Variants in LMO7 observed in about 807,000 individuals in gnomAD.
LMO7 encodes the protein LIM domain 7.
Under a neutral mutation model 206.5 loss-of-function variants are expected in LMO7, and 120 were observed. The ratio of observed to expected loss-of-function variants is 0.58; its 90% CI spans 0.50 to 0.68. LMO7 has a LOEUF of 0.68. Among genes scored for constraint, LMO7 ranks in the 30% least tolerant of loss-of-function variants. The pLI, the probability that LMO7 is intolerant of heterozygous loss-of-function variation, is 0.00. For synonymous variants in LMO7, 706 were observed against 681.5 expected (o/e 1.04, Z -0.56); for missense variants, 1,959 against 1,957.9 (o/e 1.00, Z -0.01).
rs530499455 is a variant in LMO7 at position 75,695,278 on chromosome 13, A to G, written c.70-17904A>G. On this transcript the variant is annotated intron_variant, in intron 1 of 30. Transcript: ENST00000377534. Reference sequence around the variant, plus strand: ...GAGAGGAATCTTAGATGTCTCACTGAATCAAGGTGATTTATATATGTTTGG... The same window carrying G: ...GAGAGGAATCTTAGATGTCTCACTGGATCAAGGTGATTTATATATGTTTGG... Among the ~76,000 whole-genome samples, 56 of 152,324 alleles carry G rather than the reference A, an allele frequency of 3.7e-4. 1 individual carries two copies. In the South Asian group the frequency reaches 4.4e-3, roughly 12 times the overall value.
chr13:75,675,910 ACACACAC>A (rs2039971953), intron 1 of LMO7, among the ~76,000 whole-genome samples: 1 of 135,356 alleles, frequency 7.4e-6, no homozygotes, highest in Non-Finnish European at 1.7e-5. Flanking sequence ...ACACACACAC[ACACACAC>A]GTCATATACA....
chr13:75,746,369 G>T (rs2046837434), intron 3 of LMO7, among the ~76,000 whole-genome samples: 1 of 152,120 alleles, frequency 6.6e-6, no homozygotes, highest in Non-Finnish European at 1.5e-5. Context: ...ATTAAGAAAT[G>T]GGGTGATCAC....
Position 75,857,903 on chromosome 13 carries a change from TTCTCC to T in LMO7, c.4874-16_4874-12del, listed in dbSNP as rs2061097142. ...CTGAATCTAAGCACTTTTCTTTCTTTTCTCCTTGCCCGATCAGCTGGACGGCCAAC... is the reference window on the plus strand; with the variant it reads ...CTGAATCTAAGCACTTTTCTTTCTTTTTGCCCGATCAGCTGGACGGCCAAC... On this transcript the variant is annotated splice_polypyrimidine_tract_variant and intron_variant, in intron 30 of 30. Coordinates refer to ENST00000377534, the MANE Select transcript of LMO7 (RefSeq NM_001306080.2). 1 of 1,582,140 alleles carries T rather than the reference TTCTCC, an allele frequency of 6.3e-7. No individual in the cohort carries two copies. Among genetic ancestry groups the T allele is most frequent in the Non-Finnish European group, 8.6e-7 (1 of 1,164,696 alleles).
At chr13:75,812,054 A>G (rs1031684590) in intron 11 of LMO7, among the ~76,000 whole-genome samples, 5 of 152,206 alleles carry the variant, frequency 3.3e-5, no homozygotes, top group Non-Finnish European at 7.3e-5. Flanking sequence ...CTCCACCCCC[A>G]GGAGACATTT....
At chr13:75,848,997 C>T in intron 26 of LMO7, 82 bp from the exon 27 acceptor site, 1 of 793,980 alleles carries the variant, frequency 1.3e-6, no homozygotes, top group Non-Finnish European at 2.1e-6. Context: ...ATTTGCATTT[C>T]CCTGATCACT....
At chr13:75,780,681 T>C (rs2140298858) in intron 4 of LMO7, among the ~76,000 whole-genome samples, 1 of 152,318 alleles carries the variant, frequency 6.6e-6, no homozygotes, top group South Asian at 2.1e-4. Context: ...ATTATAAGAT[T>C]ATTGACTGGG....
At chr13:75,667,563 A>G (rs2039182275) in intron 1 of LMO7, among the ~76,000 whole-genome samples, 4 of 151,822 alleles carry the variant, frequency 2.6e-5, no homozygotes, top group Admixed American at 6.6e-5. Flanking sequence ...GAAATTTTTC[A>G]TTTTAGCCAC....
intron 7 of LMO7, among the ~76,000 whole-genome samples, chr13:75,802,197 T>C (rs1311017072): frequency 6.6e-6 from 1 of 152,198 alleles, no homozygotes; most frequent in Non-Finnish European, 1.5e-5. Context: ...ACAAAAAACC[T>C]GAAGGCTTTA....
chr13:75,823,527 A>G, intron 14 of LMO7, 38 bp from the exon 15 acceptor site: 1 of 1,450,242 alleles, frequency 6.9e-7, no homozygotes, highest in Non-Finnish European at 9.5e-7. Flanking sequence ...AATAAAGGTA[A>G]CAGAATATCA....
At chr13:75,845,066 A>G (rs1481484301) in intron 25 of LMO7, among the ~76,000 whole-genome samples, 1 of 152,194 alleles carries the variant, frequency 6.6e-6, no homozygotes, top group Non-Finnish European at 1.5e-5. Context: ...TATAGTCTTC[A>G]TCATCATACA....
intron 26 of LMO7, 166 bp from the exon 27 acceptor site, chr13:75,848,913 A>G: frequency 1.7e-6 from 1 of 580,980 alleles, no homozygotes; most frequent in African/African-American, 1.9e-5. Flanking sequence ...CATTCACACC[A>G]ACGTCTATTA....
rs1045467362 is a variant in LMO7, at chr13:75,858,888, T to C, written c.*945T>C. On this transcript the variant is annotated 3_prime_UTR_variant, in exon 31 of 31. Coordinates refer to ENST00000377534, the MANE Select transcript of LMO7 (RefSeq NM_001306080.2). ...AACTATGCCACAGTCTGGATGTGTTTACTGAAACATTTTAATAAGGAAGTT... is the reference window on the plus strand; with the variant it reads ...AACTATGCCACAGTCTGGATGTGTTCACTGAAACATTTTAATAAGGAAGTT... The C allele has an allele frequency of 4.6e-5, 7 of 152,234 alleles. No individual in the cohort carries two copies. The highest frequency in any genetic ancestry group is 8.8e-5 in the Non-Finnish European group (6 of 68,030). The allele number at this position is 152,234 out of a possible 1,614,324, so 9.4% of individuals were successfully genotyped here.
chr13:75,798,967 C>T (rs1467033054), intron 6 of LMO7, among the ~76,000 whole-genome samples: 1 of 152,214 alleles, frequency 6.6e-6, no homozygotes, highest in Non-Finnish European at 1.5e-5. Flanking sequence ...CAGATCTAAA[C>T]GCTTAAATTT....
At chr13:75,657,047 G>A (rs1206323797) in intron 1 of LMO7, among the ~76,000 whole-genome samples, 2 of 152,176 alleles carry the variant, frequency 1.3e-5, no homozygotes, top group Admixed American at 6.5e-5. Context: ...TTTATAAAAA[G>A]GGTAGATTTG....
chr13:75,855,870 T>A (rs1261751816), intron 29 of LMO7, among the ~76,000 whole-genome samples: 2 of 152,234 alleles, frequency 1.3e-5, no homozygotes, highest in Non-Finnish European at 2.9e-5. Flanking sequence ...GGTTTTGTAA[T>A]CTCTGTCTCT....
At chr13:75,652,327 C>A (rs1453301777) in intron 1 of LMO7, among the ~76,000 whole-genome samples, 1 of 152,158 alleles carries the variant, frequency 6.6e-6, no homozygotes, top group Non-Finnish European at 1.5e-5. Context: ...CCCATAGGAC[C>A]TGTTGCCCCT....
intron 3 of LMO7, among the ~76,000 whole-genome samples, chr13:75,737,714 C>A (rs1192417878): frequency 8.4e-6 from 1 of 119,502 alleles, no homozygotes; most frequent in African/African-American, 3.3e-5. Context: ...GATCGCGCCA[C>A]TGCACTCCAG....
chr13:75,800,918 C>T lies in LMO7; in HGVS notation c.661+36C>T, dbSNP rs376244395. 3.7e-5 allele frequency: 58 copies of T among 1,587,856 alleles called. No homozygotes were observed. In the African/African-American group the frequency reaches 7.4e-4, roughly 20 times the overall value. On this transcript the variant is annotated intron_variant, in intron 7 of 30. Transcript: ENST00000377534. ...TTTTGGCTGTCAGTTTATTTGTTCA[C>T]ATATTAAGGGAGAACTGGGAACAGG...
At chr13:75,786,185 A>G (rs1271068378) in intron 4 of LMO7, among the ~76,000 whole-genome samples, 3 of 152,162 alleles carry the variant, frequency 2.0e-5, no homozygotes, top group Non-Finnish European at 4.4e-5. Context: ...AAAGGACACA[A>G]TGTAGAATAG....
Sources: gnomAD v4.1 joint callset for allele counts (sites outside exome capture counted in the v4.1 genomes callset) on GRCh38, gnomAD v4.1.1 for gene constraint, MANE v1.5 for transcripts, NCBI Gene and HGNC (gene_info 2026-07-23, HGNC 2026-07-21) for gene names.